YTHDF3: variants seen among roughly 807,000 people sequenced by gnomAD.
YTHDF3 encodes YTH domain-containing family protein 3.
A neutral mutation model predicts 52.5 loss-of-function variants in YTHDF3; 9 were observed. That is an observed-to-expected ratio of 0.17 (90% CI 0.10 to 0.30). The LOEUF (loss-of-function observed/expected upper bound fraction) is 0.30. YTHDF3 is among the 10% of genes least tolerant of loss of function. The pLI is 1.00. For synonymous variants in YTHDF3, 274 were observed against 243.3 expected (o/e 1.13, Z -1.18); for missense variants, 534 against 715.0 (o/e 0.75, Z 2.89).
intron 3 of YTHDF3, among the ~76,000 whole-genome samples, chr8:63,176,857 T>G (rs1363954219): frequency 6.6e-6 from 1 of 151,946 alleles, no homozygotes; most frequent in Non-Finnish European, 1.5e-5. Flanking sequence ...TTTGTATTTT[T>G]TAGTAGAGGT....
intron 2 of YTHDF3, chr8:63,173,531 T>C (rs1480243980): frequency 1.3e-5 from 5 of 371,700 alleles, no homozygotes; most frequent in Non-Finnish European, 1.8e-5. Context: ...ATATGAGAGA[T>C]AGTTAGTCAT....
At position 63,187,394 on chromosome 8, in the gene YTHDF3, C is replaced by T; in HGVS notation, c.1383C>T (p.Leu461=). Residue 461 remains leucine (L), a synonymous_variant, in exon 4 of 5, where the codon CTC becomes CTT. Coordinates refer to ENST00000539294, the MANE Select transcript of YTHDF3 (RefSeq NM_152758.6). ...GTTCCCTGAATGGGAAAGGCCCACT[C>T]TATTTACTCTTCAGTGTGAATGGCA... ...AYRSLNGKGP[L]YLLFSVNGSG... The T allele has an allele frequency of 6.2e-7, 1 of 1,614,032 alleles. No individual in the cohort carries two copies. The highest frequency in any genetic ancestry group is 8.5e-7 in the Non-Finnish European group (1 of 1,179,900).
At chr8:63,190,784 A>T (rs1808863936) in intron 4 of YTHDF3, among the ~76,000 whole-genome samples, 1 of 152,166 alleles carries the variant, frequency 6.6e-6, no homozygotes, top group African/African-American at 2.4e-5. Context: ...TGAATGTCAG[A>T]GCCTACTCTG....
intron 1 of YTHDF3, 77 bp downstream of exon 1, chr8:63,168,978 C>G: frequency 6.6e-7 from 1 of 1,518,646 alleles, no homozygotes; most frequent in South Asian, 1.2e-5. Context: ...TTCGGCTCCT[C>G]CCCGTCGCCG....
chr8:63,193,211 C>G (rs1395689150), intron 4 of YTHDF3, among the ~76,000 whole-genome samples: 1 of 151,842 alleles, frequency 6.6e-6, no homozygotes, highest in African/African-American at 2.4e-5. Context: ...AACTCTGTCT[C>G]TACTAAAAAT....
At chr8:63,171,997 CT>C (rs1336877637) in intron 2 of YTHDF3, among the ~76,000 whole-genome samples, 1 of 152,052 alleles carries the variant, frequency 6.6e-6, no homozygotes, top group Non-Finnish European at 1.5e-5. Context: ...AAATAATTGT[CT>C]TTGATATGGC....
At chr8:63,183,027 G>A (rs1004457946) in intron 3 of YTHDF3, among the ~76,000 whole-genome samples, 1 of 149,478 alleles carries the variant, frequency 6.7e-6, no homozygotes, top group African/African-American at 2.5e-5. Context: ...TGGCATCGCA[G>A]CTCACTGCAA....
chr8:63,199,740 A>G (rs1809477521), intron 4 of YTHDF3, among the ~76,000 whole-genome samples: 1 of 152,178 alleles, frequency 6.6e-6, no homozygotes, highest in African/African-American at 2.4e-5. Flanking sequence ...GAGGTGCTTA[A>G]CTGACTTTAC....
chr8:63,191,238 AT>A (rs1585767706), intron 4 of YTHDF3, among the ~76,000 whole-genome samples: 1 of 152,104 alleles, frequency 6.6e-6, no homozygotes, highest in African/African-American at 2.4e-5. Flanking sequence ...GTTTTCTGTA[AT>A]CCTTTGTCTG....
At chr8:63,171,232 G>A (rs1310613371) in intron 2 of YTHDF3, among the ~76,000 whole-genome samples, 1 of 152,076 alleles carries the variant, frequency 6.6e-6, no homozygotes, top group African/African-American at 2.4e-5. Flanking sequence ...TGCCAAGTGA[G>A]CTTGAAAACA....
At chr8:63,177,463 C>T (rs1807773222) in intron 3 of YTHDF3, among the ~76,000 whole-genome samples, 1 of 152,162 alleles carries the variant, frequency 6.6e-6, no homozygotes, top group Non-Finnish European at 1.5e-5. Context: ...AAATGTAGTG[C>T]AAGTTTTAAA....
chr8:63,207,871 C>T (rs1267541522), intron 4 of YTHDF3, among the ~76,000 whole-genome samples: 1 of 152,108 alleles, frequency 6.6e-6, no homozygotes, highest in Non-Finnish European at 1.5e-5. Context: ...TATTTTGTAT[C>T]TAGCTTATTA....
At chr8:63,201,579 C>T (rs1324627797) in intron 4 of YTHDF3, among the ~76,000 whole-genome samples, 1 of 152,172 alleles carries the variant, frequency 6.6e-6, no homozygotes, top group Admixed American at 6.5e-5. Context: ...CCAAACTTTA[C>T]ATTGCACTCC....
rs1808585967 is a variant in YTHDF3 at position 63,187,284 on chromosome 8, T to C, written c.1273T>C (p.Ser425Pro). The C allele has an allele frequency of 6.2e-7, 1 of 1,613,922 alleles. No homozygotes were observed. Among genetic ancestry groups the C allele is most frequent in the Non-Finnish European group, 8.5e-7 (1 of 1,179,904 alleles). ...NGRVFIIKSY[S>P]EDDIHRSIKY... ...ACGTGTGTTTATAATTAAAAGCTAC[T>C]CTGAGGATGACATACATCGTTCCAT... The change falls in exon 4 of 5, where the codon TCT (serine) becomes CCT (proline). Residue 425 changes from serine (S) to proline (P), a missense_variant. By Grantham distance (74) the Ser-to-Pro change is moderately conservative. Around this residue, in one of 3 missense-constraint regions of YTHDF3, gnomAD observed 135 missense variants for 214.2 expected, o/e 0.63. Transcript: ENST00000539294.
intron 3 of YTHDF3, among the ~76,000 whole-genome samples, chr8:63,183,823 G>A (rs903798757): frequency 2.2e-4 from 33 of 152,140 alleles, no homozygotes; most frequent in African/African-American, 8.0e-4. Context: ...GTCGTCTCAA[G>A]GTATCTGTGG....
intron 4 of YTHDF3, among the ~76,000 whole-genome samples, chr8:63,190,442 C>G (rs1808840775): frequency 6.6e-6 from 1 of 151,986 alleles, no homozygotes; most frequent in South Asian, 2.1e-4. Flanking sequence ...ATATTGTAGC[C>G]ATATACACAA....
chr8:63,172,005 T>C (rs915867420), intron 2 of YTHDF3, among the ~76,000 whole-genome samples: 1 of 152,182 alleles, frequency 6.6e-6, no homozygotes, highest in Non-Finnish European at 1.5e-5. Context: ...GTCTTTGATA[T>C]GGCAAAAATG....
chr8:63,186,997 A>G lies in YTHDF3; in HGVS notation c.986A>G (p.Gln329Arg). Residue 329 changes from glutamine to arginine, a missense_variant, in exon 4 of 5, where the codon CAG (glutamine) becomes CGG (arginine). Physicochemically the swap from Gln to Arg is conservative, Grantham distance 43 (BLOSUM62 1). Transcript: ENST00000539294. ...PQQQPQPPQP[Q>R]QQQGPQPQAQ... is the part of the protein sequence containing the mutation. ...CAGCAGCCTCAACCACCACAACCAC[A>G]GCAGCAACAAGGACCTCAGCCACAG... 2 of 1,613,654 alleles carry G rather than the reference A, an allele frequency of 1.2e-6. No individual in the cohort carries two copies. The highest frequency in any genetic ancestry group is 1.1e-5 in the South Asian group (1 of 91,038).
chr8:63,174,434 A>G (rs921077505), intron 2 of YTHDF3, among the ~76,000 whole-genome samples: 2 of 152,236 alleles, frequency 1.3e-5, no homozygotes, highest in Non-Finnish European at 2.9e-5. Flanking sequence ...GAGATGAGGT[A>G]GGTACTATTC....
Sources: allele counts gnomAD v4.1 joint callset (sites outside exome capture counted in the v4.1 genomes callset), GRCh38; gene constraint gnomAD v4.1.1; regional missense constraint gnomAD v4.1.1; transcripts MANE v1.5; gene names NCBI Gene and HGNC (gene_info 2026-07-23, HGNC 2026-07-21).